Variants in PDS5A observed in about 807,000 individuals in gnomAD.
The protein encoded by PDS5A is sister chromatid cohesion protein PDS5 homolog A.
Under a neutral mutation model 167.1 loss-of-function variants are expected in PDS5A, and 42 were observed. The ratio of observed to expected loss-of-function variants is 0.25; its 90% CI spans 0.20 to 0.33. PDS5A has a LOEUF of 0.33. Among genes scored for constraint, PDS5A ranks in the 10% least tolerant of loss-of-function variants. The pLI, the probability that PDS5A is intolerant of heterozygous loss-of-function variation, is 1.00. For synonymous variants in PDS5A, 553 were observed against 554.6 expected (o/e 1.00, Z 0.04); for missense variants, 1,033 against 1,605.9 (o/e 0.64, Z 6.10).
At chr4:39,829,104 T>G (rs181561844) in intron 32 of PDS5A, among the ~76,000 whole-genome samples, 1 of 152,336 alleles carries the variant, frequency 6.6e-6, no homozygotes, top group East Asian at 1.9e-4. Context: ...TTGATTGCTC[T>G]CAGGTTTGGC....
At chr4:39,973,349 C>A in intron 2 of PDS5A, 1 of 1,605,904 alleles carries the variant, frequency 6.2e-7, no homozygotes, top group Non-Finnish European at 8.5e-7. Context: ...TGCATTGTAA[C>A]TTGTGGCTGT....
At chr4:39,826,002 A>C (rs3172635) in intron 32 of PDS5A, among the ~76,000 whole-genome samples, 1 of 152,100 alleles carries the variant, frequency 6.6e-6, no homozygotes, top group Non-Finnish European at 1.5e-5. Context: ...AACACCAATA[A>C]AGAAGTTTTT....
At chr4:39,922,217 A>C (rs1725048111) in intron 6 of PDS5A, among the ~76,000 whole-genome samples, 1 of 152,232 alleles carries the variant, frequency 6.6e-6, no homozygotes, top group African/African-American at 2.4e-5. Flanking sequence ...TCTTTTTCTG[A>C]GAGTACCTAA....
intron 26 of PDS5A, among the ~76,000 whole-genome samples, chr4:39,859,934 C>T (rs1718844323): frequency 6.6e-6 from 1 of 152,164 alleles, no homozygotes; most frequent in Non-Finnish European, 1.5e-5. Context: ...CTATGGAAAA[C>T]AGTATGATGG....
chr4:39,957,050 T>C (rs1728990250), intron 2 of PDS5A, among the ~76,000 whole-genome samples: 1 of 152,150 alleles, frequency 6.6e-6, no homozygotes, highest in Non-Finnish European at 1.5e-5. Flanking sequence ...TCATGAATCT[T>C]AGGAAAAATT....
intron 14 of PDS5A, among the ~76,000 whole-genome samples, chr4:39,899,517 T>G (rs1722696625): frequency 6.6e-6 from 1 of 152,196 alleles, no homozygotes; most frequent in Non-Finnish European, 1.5e-5. Context: ...CTCTATGCCT[T>G]GCAAAATATG....
At chr4:39,895,232 G>C (rs1317170639) in intron 16 of PDS5A, among the ~76,000 whole-genome samples, 1 of 148,222 alleles carries the variant, frequency 6.7e-6, no homozygotes, top group East Asian at 2.0e-4. Flanking sequence ...AGAGAAATGT[G>C]TTGTTAAGGC....
At chr4:39,906,859 G>A (rs1221646225) in intron 11 of PDS5A, among the ~76,000 whole-genome samples, 2 of 139,924 alleles carry the variant, frequency 1.4e-5, no homozygotes, top group Non-Finnish European at 3.0e-5. Context: ...CTTATTAGAT[G>A]GAATAAAACT....
chr4:39,826,166 T>C (rs1485943456), intron 32 of PDS5A, among the ~76,000 whole-genome samples: 1 of 148,782 alleles, frequency 6.7e-6, no homozygotes, highest in Non-Finnish European at 1.5e-5. Flanking sequence ...ACTAAAAACA[T>C]CCCAACCAAA....
chr4:39,919,587 A>G (rs1403270466), intron 7 of PDS5A, among the ~76,000 whole-genome samples: 1 of 152,278 alleles, frequency 6.6e-6, no homozygotes, highest in Non-Finnish European at 1.5e-5. Context: ...GGAGCTTGCA[A>G]TGAGCCGAGA....
intron 9 of PDS5A, 63 bp downstream of exon 9, chr4:39,913,548 A>G: frequency 1.2e-6 from 1 of 846,062 alleles, no homozygotes; most frequent in East Asian, 2.4e-5. Context: ...GTTTTAATCA[A>G]GTGGACTGCA....
intron 2 of PDS5A, among the ~76,000 whole-genome samples, chr4:39,959,607 G>T (rs1464372978): frequency 1.3e-5 from 2 of 152,064 alleles, no homozygotes; most frequent in Non-Finnish European, 2.9e-5. Context: ...CAAAGTGCTG[G>T]GATCACAGGC....
At chr4:39,931,209 C>T (rs1034919817) in intron 2 of PDS5A, among the ~76,000 whole-genome samples, 2 of 152,062 alleles carry the variant, frequency 1.3e-5, no homozygotes, top group African/African-American at 4.8e-5. Context: ...TCCACCTCAG[C>T]CCCCTGAGCA....
chr4:39,865,329 C>A (rs533815369), intron 23 of PDS5A, among the ~76,000 whole-genome samples: 2 of 152,222 alleles, frequency 1.3e-5, no homozygotes, highest in East Asian at 3.9e-4. Flanking sequence ...TAATTACCCC[C>A]AATTTAAAGC....
intron 8 of PDS5A, among the ~76,000 whole-genome samples, 195 bp downstream of exon 8, chr4:39,916,853 C>G (rs1724438319): frequency 6.6e-6 from 1 of 151,478 alleles, no homozygotes; most frequent in East Asian, 1.9e-4. Flanking sequence ...GCAATAACAG[C>G]AAAACTCCGT....
chr4:39,926,882 T>A, intron 3 of PDS5A, 21 bp from the exon 4 acceptor site: 2 of 1,374,962 alleles, frequency 1.5e-6, no homozygotes, highest in Non-Finnish European at 1.9e-6. Flanking sequence ...AAAAAACACA[T>A]TAATTTAGAC....
At chr4:39,973,788 A>AC (rs930316476) in intron 2 of PDS5A, 1 of 1,267,050 alleles carries the variant, frequency 7.9e-7, no homozygotes, top group Non-Finnish European at 1.2e-6. Context: ...ACCAGCCAGC[A>AC]CCTCCTTCAG....
intron 31 of PDS5A, among the ~76,000 whole-genome samples, chr4:39,839,974 A>G (rs866282083): frequency 2.0e-4 from 30 of 152,062 alleles, no homozygotes; most frequent in Middle Eastern, 3.4e-3. Context: ...CGTGCCTGTA[A>G]TCCCAGCTAC....
chr4:39,934,569 C>T (rs10517533), intron 2 of PDS5A, among the ~76,000 whole-genome samples: 33,246 of 150,660 alleles, frequency 0.22, 4,631 homozygotes, highest in Middle Eastern at 0.33. Flanking sequence ...TGTTTTAATA[C>T]CCTCTGGCTA....
Sources: allele counts gnomAD v4.1 joint callset (sites outside exome capture counted in the v4.1 genomes callset), GRCh38; gene constraint gnomAD v4.1.1; transcripts MANE v1.5; gene names NCBI Gene and HGNC (gene_info 2026-07-23, HGNC 2026-07-21).